Variants in JAZF1 observed in about 807,000 individuals in gnomAD.
The protein encoded by JAZF1 is JAZF zinc finger 1.
In JAZF1, 8 loss-of-function variants were observed where a neutral mutation model predicts 26.4. That is an observed-to-expected ratio of 0.30 (90% CI 0.18 to 0.55). The LOEUF (loss-of-function observed/expected upper bound fraction) is 0.55. JAZF1 is among the 20% of genes least tolerant of loss of function. JAZF1 has a pLI of 0.94. For missense variants in JAZF1, 199 were observed against 322.0 expected (o/e 0.62, Z 2.92); for synonymous variants, 126 against 122.3 (o/e 1.03, Z -0.20).
intron 2 of JAZF1, among the ~76,000 whole-genome samples, chr7:27,917,769 C>G (rs1208384309): frequency 1.3e-5 from 2 of 152,180 alleles, no homozygotes; most frequent in Non-Finnish European, 2.9e-5. Context: ...TTTAAGATCC[C>G]TGGAAGGTAA....
chr7:28,146,496 T>C (rs1426796070), intron 1 of JAZF1, among the ~76,000 whole-genome samples: 1 of 152,238 alleles, frequency 6.6e-6, no homozygotes, highest in Non-Finnish European at 1.5e-5. Context: ...TAAGTACTAA[T>C]TAAGTATTAA....
At chr7:28,036,563 C>T (rs1183725438) in intron 1 of JAZF1, among the ~76,000 whole-genome samples, 2 of 152,174 alleles carry the variant, frequency 1.3e-5, no homozygotes, top group Non-Finnish European at 2.9e-5. Context: ...GAAAAAGGCT[C>T]GCACTGGAGG....
chr7:28,100,909 AAAAAC>A (rs1210123607), intron 1 of JAZF1, among the ~76,000 whole-genome samples: 2 of 152,222 alleles, frequency 1.3e-5, no homozygotes, highest in Non-Finnish European at 2.9e-5. Context: ...AAAAACTGGA[AAAAAC>A]AAAACAAAAC....
chr7:27,947,162 A>G (rs1215325327), intron 2 of JAZF1, among the ~76,000 whole-genome samples: 2 of 152,224 alleles, frequency 1.3e-5, no homozygotes, highest in Non-Finnish European at 2.9e-5. Context: ...ATGCCATGAC[A>G]TCTAAAAAGC....
intron 1 of JAZF1, among the ~76,000 whole-genome samples, chr7:28,022,699 T>C (rs1474659682): frequency 1.3e-5 from 2 of 152,030 alleles, no homozygotes; most frequent in African/African-American, 4.8e-5. Flanking sequence ...GAGTCAGTCT[T>C]ATCTTTTCAC....
chr7:28,036,649 A>G (rs1294522510), intron 1 of JAZF1, among the ~76,000 whole-genome samples: 1 of 152,214 alleles, frequency 6.6e-6, no homozygotes, highest in Non-Finnish European at 1.5e-5. Context: ...CCCAAATGCC[A>G]TGATGCCTTG....
intron 2 of JAZF1, among the ~76,000 whole-genome samples, chr7:27,963,134 C>T (rs1205206036): frequency 6.6e-6 from 1 of 152,142 alleles, no homozygotes; most frequent in Non-Finnish European, 1.5e-5. Context: ...AAGGGGAATA[C>T]ATAATAATAC....
At chr7:27,886,781 A>G (rs1233858566) in intron 3 of JAZF1, among the ~76,000 whole-genome samples, 1 of 152,250 alleles carries the variant, frequency 6.6e-6, no homozygotes, top group Non-Finnish European at 1.5e-5. Context: ...AGTGCCTTAT[A>G]ACAAGATAGA....
At chr7:28,001,489 TGAGAG>T (rs1400922974) in intron 1 of JAZF1, among the ~76,000 whole-genome samples, 1 of 152,208 alleles carries the variant, frequency 6.6e-6, no homozygotes, top group Non-Finnish European at 1.5e-5. Context: ...TCTGTGCAAC[TGAGAG>T]GAACTTCTTG....
chr7:28,118,951 TAATA>T (rs1784794313), intron 1 of JAZF1, among the ~76,000 whole-genome samples: 1 of 152,240 alleles, frequency 6.6e-6, no homozygotes, highest in East Asian at 1.9e-4. Flanking sequence ...TACCCCTACA[TAATA>T]AATAAAGGCA....
chr7:27,835,992 G>T (rs190693867), intron 4 of JAZF1, among the ~76,000 whole-genome samples: 32 of 152,304 alleles, frequency 2.1e-4, no homozygotes, highest in African/African-American at 7.7e-4. Context: ...TAATACTCAT[G>T]TTCTGGATGA....
intron 3 of JAZF1, among the ~76,000 whole-genome samples, chr7:27,865,286 C>G (rs1376281179): frequency 6.6e-6 from 1 of 152,086 alleles, no homozygotes; most frequent in African/African-American, 2.4e-5. Flanking sequence ...AGGAGGATTG[C>G]TTGAGCCTGG....
In JAZF1 at chr7:28,032,438, T is replaced by G. The variant is rs922503024; in HGVS notation, c.116-40457A>C. Among the ~76,000 whole-genome samples the G allele has an allele frequency of 8.5e-5, 13 of 152,170 alleles. 1 individual carries two copies. The South Asian group carries it at 2.7e-3, about 32-fold the overall frequency. On this transcript the variant is annotated intron_variant, in intron 1 of 4. Transcript: ENST00000283928. ...ATAAATACATCTTATAGTTTTGGAA[T>G]TAAAGAGAAAAAAAATGGCTCTGCT...
intron 1 of JAZF1, among the ~76,000 whole-genome samples, chr7:28,092,498 A>G (rs187059644): frequency 6.6e-6 from 1 of 151,570 alleles, no homozygotes; most frequent in African/African-American, 2.4e-5. Flanking sequence ...AAAAATTAAA[A>G]TAGGGAAGAA....
At chr7:28,041,754 G>A (rs1330809405) in intron 1 of JAZF1, among the ~76,000 whole-genome samples, 1 of 152,134 alleles carries the variant, frequency 6.6e-6, no homozygotes, top group Non-Finnish European at 1.5e-5. Context: ...GAATTCCCCT[G>A]TACGCAGCTG....
chr7:28,075,340 C>T (rs1289332132), intron 1 of JAZF1, among the ~76,000 whole-genome samples: 1 of 152,152 alleles, frequency 6.6e-6, no homozygotes, highest in Non-Finnish European at 1.5e-5. Flanking sequence ...CACAGAAGCT[C>T]ATTTATTTAC....
chr7:27,930,291 G>A (rs959671502), intron 2 of JAZF1, among the ~76,000 whole-genome samples: 16 of 152,170 alleles, frequency 1.1e-4, no homozygotes, highest in African/African-American at 2.6e-4. Flanking sequence ...CACCGTGCCC[G>A]GCCAATTTTC....
At chr7:28,098,034 G>T (rs1784411647) in intron 1 of JAZF1, among the ~76,000 whole-genome samples, 1 of 152,156 alleles carries the variant, frequency 6.6e-6, no homozygotes, top group South Asian at 2.1e-4. Context: ...GAAACCTTAA[G>T]CTTGCTACTA....
intron 3 of JAZF1, chr7:27,842,947 G>A (rs377126842): frequency 6.6e-6 from 1 of 152,252 alleles, no homozygotes; most frequent in Non-Finnish European, 1.5e-5. Context: ...CCCAACAGAA[G>A]AGAAAACTTC....
Sources: gnomAD v4.1 joint callset for allele counts (sites outside exome capture counted in the v4.1 genomes callset) on GRCh38, gnomAD v4.1.1 for gene constraint, MANE v1.5 for transcripts, NCBI Gene and HGNC (gene_info 2026-07-23, HGNC 2026-07-21) for gene names.